Variants in KDELR1 observed in about 807,000 individuals in gnomAD.
KDELR1 encodes KDEL endoplasmic reticulum protein retention receptor 1.
Under a neutral mutation model 25.5 loss-of-function variants are expected in KDELR1, and 16 were observed. The observed-to-expected ratio is 0.63, with a 90% confidence interval of 0.43 to 0.95. The LOEUF (loss-of-function observed/expected upper bound fraction) is 0.95. KDELR1 is among the 40% of genes least tolerant of loss of function. The pLI is 0.00. For missense variants in KDELR1, 159 were observed against 265.2 expected (o/e 0.60, Z 2.78); for synonymous variants, 121 against 115.0 (o/e 1.05, Z -0.33).
intron 3 of KDELR1, chr19:48,387,708 A>C (rs1454062939): frequency 6.6e-6 from 1 of 151,968 alleles, no homozygotes; most frequent in African/African-American, 2.4e-5. Context: ...AAAAAAAAGA[A>C]ATATAGTCTG....
rs569661873 is a variant in KDELR1, at chr19:48,391,310, T to A, written c.49A>T (p.Ile17Phe). ...LGDLSHLLAI[I>F]LLLLKIWKSR... ...TTCCAGATTTTGAGCAGTAGCAAGATGATGGCGAGGAGGTGGGAGAGGTCT... is the reference window on the plus strand; with the variant it reads ...TTCCAGATTTTGAGCAGTAGCAAGAAGATGGCGAGGAGGTGGGAGAGGTCT... Residue 17 changes from isoleucine to phenylalanine, a missense_variant, in exon 1 of 5, where the codon ATC becomes TTC. Physicochemically the swap from Ile to Phe is conservative, Grantham distance 21. Coordinates refer to ENST00000330720, the MANE Select transcript of KDELR1 (RefSeq NM_006801.3). The A allele has an allele frequency of 6.4e-7, 1 of 1,559,644 alleles. No individual in the cohort carries two copies. The highest frequency in any genetic ancestry group is 2.4e-5 in the East Asian group (1 of 41,670).
upstream of KDELR1, chr19:48,391,675 C>A: frequency 2.5e-6 from 1 of 399,546 alleles, no homozygotes; most frequent in Admixed American, 4.0e-5. Flanking sequence ...TAAACGCACC[C>A]CCAAAGCTGC....
At chr19:48,391,696 C>G, upstream of KDELR1, 1 of 377,382 alleles carries the variant, frequency 2.6e-6, no homozygotes, top group South Asian at 2.4e-5. Context: ...CCCATAGGAA[C>G]TTGGGAGGGT....
upstream of KDELR1, among the ~76,000 whole-genome samples, chr19:48,395,516 A>AG (rs900369173): frequency 4.0e-5 from 6 of 151,486 alleles, no homozygotes; most frequent in Non-Finnish European, 7.4e-5. Flanking sequence ...TTGGGAGGTG[A>AG]GGGGGGAGGA....
At chr19:48,386,453 T>C (rs1345158462) in intron 3 of KDELR1, among the ~76,000 whole-genome samples, 2 of 146,836 alleles carry the variant, frequency 1.4e-5, no homozygotes, top group Non-Finnish European at 3.0e-5. Context: ...TTGAATTTTT[T>C]TTTTTTTTTT....
upstream of KDELR1, among the ~76,000 whole-genome samples, chr19:48,395,863 T>C (rs1970633555): frequency 6.6e-6 from 1 of 151,874 alleles, no homozygotes; most frequent in African/African-American, 2.4e-5. Flanking sequence ...GGACCTGGAC[T>C]CTTGGTTCCT....
chr19:48,396,738 G>A, the KDELR1 span, among the ~76,000 whole-genome samples: 1 of 151,990 alleles, frequency 6.6e-6, no homozygotes, highest in Admixed American at 6.5e-5. Context: ...GGGACGGGCT[G>A]TGGCCTCGAG....
At chr19:48,394,490 C>T (rs1226485647), upstream of KDELR1, among the ~76,000 whole-genome samples, 4 of 138,054 alleles carry the variant, frequency 2.9e-5, no homozygotes, top group African/African-American at 1.1e-4. This position sits in a 1 kb window ranked among gnomAD's most constrained non-coding sequence, Gnocchi z 5.1. Flanking sequence ...AGCGGGGGTG[C>T]GAGTGAGCCA....
intron 4 of KDELR1, among the ~76,000 whole-genome samples, chr19:48,383,782 G>A (rs148025452): frequency 2.0e-5 from 3 of 152,088 alleles, no homozygotes; most frequent in Non-Finnish European, 1.5e-5. Context: ...TGGGATTACA[G>A]GTATGAGCCA....
chr19:48,393,634 C>T (rs1970590286), upstream of KDELR1, among the ~76,000 whole-genome samples: 1 of 152,124 alleles, frequency 6.6e-6, no homozygotes. The surrounding 1 kb of genome is among the most constrained non-coding windows in gnomAD (Gnocchi z 5.6). Flanking sequence ...GTGGGTCTCC[C>T]GGCAGTGGCA....
upstream of KDELR1, among the ~76,000 whole-genome samples, chr19:48,392,321 C>A (rs1320955348): frequency 6.6e-6 from 1 of 150,754 alleles, no homozygotes; most frequent in Non-Finnish European, 1.5e-5. Context: ...GAGTCCAGAT[C>A]CCCAGCCCCT....
At chr19:48,383,774 G>A (rs964442561) in intron 4 of KDELR1, among the ~76,000 whole-genome samples, 5 of 152,020 alleles carry the variant, frequency 3.3e-5, no homozygotes, top group African/African-American at 9.7e-5. Context: ...CAAAGTGCTG[G>A]GATTACAGGT....
intron 1 of KDELR1, 82 bp downstream of exon 1, chr19:48,391,186 C>T (rs1277569536): frequency 1.6e-6 from 2 of 1,281,418 alleles, no homozygotes; most frequent in East Asian, 2.5e-5. Context: ...CCTAGTGCCC[C>T]CAAACCCTTC....
In KDELR1 at chr19:48,391,450, TG is replaced by T. The variant is rs1445094779; in HGVS notation, c.-93del. 6 of 1,016,584 alleles carry T rather than the reference TG, an allele frequency of 5.9e-6. No individual in the cohort carries two copies. The highest frequency in any genetic ancestry group is 2.0e-5 in the Admixed American group (1 of 48,886). 63.0% of individuals were successfully genotyped at this position (1,016,584 alleles called of 1,614,324 possible). A position where few individuals can be genotyped will look rare whatever the true frequency, so the allele number is the denominator to read the frequency against. On this transcript the variant is annotated 5_prime_UTR_variant, in exon 1 of 5. Transcript: ENST00000330720. Reference sequence around the variant, plus strand: ...TGCTGGTCTGAACGGGTAGCTGGGCTGGGGGGACGGAAGAGGGACCCTAGGT... The same window carrying T: ...TGCTGGTCTGAACGGGTAGCTGGGCTGGGGGACGGAAGAGGGACCCTAGGT...
Position 48,384,284 on chromosome 19 carries a change from C to T in KDELR1, c.550G>A (p.Gly184Ser). The part of the protein sequence containing the change: ...GFFDLIAIVA[G>S]LVQTVLYCDF... ...CAGTAGAGGACTGTCTGGACCAGGC[C>T]TGCCACAATGGCGATGAGGTCGAAG... is the stretch of plus-strand genomic sequence containing the variant. Residue 184 changes from glycine (G) to serine (S), a missense_variant, in exon 4 of 5, where the codon GGC (glycine) becomes AGC (serine). By Grantham distance (56) the Gly-to-Ser change is moderately conservative (BLOSUM62 0). Coordinates refer to ENST00000330720, the MANE Select transcript of KDELR1 (RefSeq NM_006801.3). This position sits in a 1 kb window ranked among gnomAD's most constrained non-coding sequence, Gnocchi z 4.6. 1 of 1,614,240 alleles carries T rather than the reference C, an allele frequency of 6.2e-7. No homozygotes were observed. Among genetic ancestry groups the T allele is most frequent in the Non-Finnish European group, 8.5e-7 (1 of 1,180,054 alleles).
upstream of KDELR1, among the ~76,000 whole-genome samples, chr19:48,393,345 C>G (rs958833633): frequency 2.6e-5 from 4 of 152,116 alleles, no homozygotes; most frequent in African/African-American, 9.7e-5. This position sits in a 1 kb window ranked among gnomAD's most constrained non-coding sequence, Gnocchi z 5.6. Flanking sequence ...ACACTGAAGT[C>G]AGGGAAAGGC....
At chr19:48,394,357 G>A (rs1199907969), upstream of KDELR1, among the ~76,000 whole-genome samples, 1 of 150,088 alleles carries the variant, frequency 6.7e-6, no homozygotes, top group Non-Finnish European at 1.5e-5. This position sits in a 1 kb window ranked among gnomAD's most constrained non-coding sequence, Gnocchi z 5.1. Flanking sequence ...GGGGCAAGCA[G>A]TTCCCCAAGC....
In KDELR1 at chr19:48,391,364, G is replaced by C; in HGVS notation, c.-6C>G. 6.4e-7 allele frequency: 1 copy of C among 1,552,070 alleles called. No individual in the cohort carries two copies. Among genetic ancestry groups the C allele is most frequent in the South Asian group, 1.2e-5 (1 of 84,134 alleles). On this transcript the variant is annotated 5_prime_UTR_variant, in exon 1 of 5. Coordinates refer to ENST00000330720, the MANE Select transcript of KDELR1 (RefSeq NM_006801.3). ...AGGAATCGGAAGAGATTCATGGCTG[G>C]GGAACCCTGGCAGGGCTGAGCGGGA...
rs1262433819 is a variant in KDELR1, at chr19:48,391,374, G to A, written c.-16C>T. On this transcript the variant is annotated 5_prime_UTR_variant, in exon 1 of 5. Transcript: ENST00000330720. ...AGAGATTCATGGCTGGGGAACCCTG[G>A]CAGGGCTGAGCGGGAGGGAGGCAGG... The A allele has an allele frequency of 1.3e-6, 2 of 1,546,480 alleles. No individual in the cohort carries two copies. The highest frequency in any genetic ancestry group is 2.4e-5 in the South Asian group (2 of 83,980).
Sources: gnomAD v4.1 joint callset for allele counts (sites outside exome capture counted in the v4.1 genomes callset) on GRCh38, gnomAD v4.1.1 for gene constraint, Gnocchi (gnomAD v3.1) non-coding constraint, MANE v1.5 for transcripts, NCBI Gene and HGNC (gene_info 2026-07-23, HGNC 2026-07-21) for gene names.